The following AFAP1L2 variants were observed in gnomAD, a reference collection of about 807,000 sequenced individuals.
AFAP1L2 encodes actin filament-associated protein 1-like 2.
AFAP1L2 carries 46 observed loss-of-function variants against 99.3 expected under a neutral mutation model. That is an observed-to-expected ratio of 0.46 (90% CI 0.37 to 0.59). AFAP1L2 has a LOEUF of 0.59. AFAP1L2 is among the 20% of genes least tolerant of loss of function. The pLI is 0.00. For synonymous variants in AFAP1L2, 397 were observed against 419.1 expected (o/e 0.95, Z 0.64); for missense variants, 959 against 1,034.9 (o/e 0.93, Z 1.01).
At position 114,307,856 on chromosome 10, in the gene AFAP1L2, T is replaced by G; in HGVS notation, c.1021A>C (p.Arg341=). The part of the protein sequence containing the change: ...LKLSNLMNLG[R]KKSTSLEPVE... ...GGCTCCAGTGAGGTGGATTTCTTCC[T>G]GCCCAGATTCATTAGGTTGCTCAGT... The change falls in exon 10 of 19, where the codon AGG becomes CGG. Residue 341 remains arginine, a synonymous_variant. Transcript: ENST00000304129. 1 of 1,614,216 alleles carries G rather than the reference T, an allele frequency of 6.2e-7. No individual in the cohort carries two copies. Among genetic ancestry groups the G allele is most frequent in the South Asian group, 1.1e-5 (1 of 91,088 alleles).
intron 1 of AFAP1L2, among the ~76,000 whole-genome samples, chr10:114,381,979 GC>G (rs2055694111): frequency 6.6e-6 from 1 of 152,060 alleles, no homozygotes; most frequent in African/African-American, 2.4e-5. Flanking sequence ...AGATAGCTTT[GC>G]CCCTTCTCTG....
At chr10:114,314,868 C>T (rs879557159) in intron 6 of AFAP1L2, among the ~76,000 whole-genome samples, 6 of 152,260 alleles carry the variant, frequency 3.9e-5, no homozygotes, top group South Asian at 2.1e-4. Flanking sequence ...CAGGGCTGGG[C>T]GCAGTGGCTC....
At position 114,314,073 on chromosome 10, in the gene AFAP1L2, C is replaced by T. The variant is rs181489768; in HGVS notation, c.613-23G>A. ...GCACTGGAAGGAAAGAGAGAAGATA[C>T]ACCACTTTGCCAGGGGTGCCGGGCG... On this transcript the variant is annotated intron_variant, in intron 6 of 18. Coordinates refer to ENST00000304129, the MANE Select transcript of AFAP1L2 (RefSeq NM_001001936.3). The T allele has an allele frequency of 2.8e-5, 45 of 1,597,562 alleles. 1 individual carries two copies. The African/African-American group carries it at 4.5e-4, about 16-fold the overall frequency.
chr10:114,300,536 T>A lies in AFAP1L2; in HGVS notation c.1697A>T (p.Asp566Val). The change falls in exon 14 of 19, where the codon GAC (aspartate) becomes GTC (valine). Residue 566 changes from aspartate to valine, a missense_variant. Transcript: ENST00000304129. Reference sequence around the variant, plus strand: ...TGCCGGGAGGGCCTCAGTTGCATTGTCCAGGCAGGACAACGTCGGGGAGGA... The same window carrying A: ...TGCCGGGAGGGCCTCAGTTGCATTGACCAGGCAGGACAACGTCGGGGAGGA... ...QASSPTLSCLDNATEALPADS... is the reference protein window; with the variant it reads ...QASSPTLSCLVNATEALPADS... The A allele has an allele frequency of 6.2e-7, 1 of 1,614,164 alleles. No homozygotes were observed. The highest frequency in any genetic ancestry group is 8.5e-7 in the Non-Finnish European group (1 of 1,180,030).
intron 1 of AFAP1L2, among the ~76,000 whole-genome samples, chr10:114,355,256 CTTTT>C: frequency 7.5e-6 from 1 of 133,104 alleles, no homozygotes; most frequent in African/African-American, 2.8e-5. Flanking sequence ...CTCGCTCTCT[CTTTT>C]TTTTTTTTTT....
intron 1 of AFAP1L2, among the ~76,000 whole-genome samples, chr10:114,399,413 C>G (rs986526014): frequency 1.3e-5 from 2 of 152,156 alleles, no homozygotes; most frequent in Non-Finnish European, 2.9e-5. Context: ...GGTAGTCCCT[C>G]CCTGGCTGAA....
In AFAP1L2 at chr10:114,331,842, G is replaced by T; in HGVS notation, c.276C>A (p.Ala92=). ...GGAGGTCTGGAAGGCTCTTCTGAGGGGCCGAGGAGTGCTGGCTGGGCTCCC... is the reference window on the plus strand; with the variant it reads ...GGAGGTCTGGAAGGCTCTTCTGAGGTGCCGAGGAGTGCTGGCTGGGCTCCC... ...PNGEPSQHSS[A]PQKSLPDLPP... is the part of the protein sequence containing the mutation. The change falls in exon 4 of 19, where the codon GCC becomes GCA. Residue 92 remains alanine (A), a synonymous_variant. Coordinates refer to ENST00000304129, the MANE Select transcript of AFAP1L2 (RefSeq NM_001001936.3). 2 of 1,392,042 alleles carry T rather than the reference G, an allele frequency of 1.4e-6. No homozygotes were observed. Among genetic ancestry groups the T allele is most frequent in the Admixed American group, 3.1e-5 (1 of 32,122 alleles). 86.2% of individuals were successfully genotyped at this position (1,392,042 alleles called of 1,614,324 possible). A position where few individuals can be genotyped will look rare whatever the true frequency, so the allele number is the denominator to read the frequency against.
At position 114,302,355 on chromosome 10, in the gene AFAP1L2, C is replaced by G; in HGVS notation, c.1414G>C (p.Ala472Pro). 6.2e-7 allele frequency: 1 copy of G among 1,614,098 alleles called. No homozygotes were observed. The highest frequency in any genetic ancestry group is 1.1e-5 in the South Asian group (1 of 91,084). ...ATTACTCACAAGAGAGAGTTTTTGG[C>G]CGCACTCACAATACAGGAGACCCTA... Reference protein sequence around the residue: ...ADRVSCIVSAAKNSLLLMQRK... With the variant: ...ADRVSCIVSAPKNSLLLMQRK... Residue 472 changes from alanine (A) to proline (P), a missense_variant, in exon 12 of 19, where the codon GCC (alanine) becomes CCC (proline). This residue lies in a region of AFAP1L2 where 576 missense variants were observed against 562.1 expected (regional missense o/e 1.02). Coordinates refer to ENST00000304129, the MANE Select transcript of AFAP1L2 (RefSeq NM_001001936.3).
intron 10 of AFAP1L2, among the ~76,000 whole-genome samples, chr10:114,305,473 G>A (rs1269401946): frequency 8.5e-5 from 12 of 141,914 alleles, no homozygotes; most frequent in South Asian, 4.8e-4. Context: ...AGGAGGGGAC[G>A]CAGATGCAGG....
At position 114,341,481 on chromosome 10, in the gene AFAP1L2, C is replaced by T. The variant is rs545345453; in HGVS notation, c.17-750G>A. Among the ~76,000 whole-genome samples, 16 of 152,070 alleles carry T rather than the reference C, an allele frequency of 1.1e-4. 1 individual carries two copies. The South Asian group carries it at 3.1e-3, about 30-fold the overall frequency. Reference sequence around the variant, plus strand: ...TACAAAAATTAGCTGGGCATGGTGGCGTGCACCTGTGTTCCCAGCTACTTG... The same window carrying T: ...TACAAAAATTAGCTGGGCATGGTGGTGTGCACCTGTGTTCCCAGCTACTTG... On this transcript the variant is annotated intron_variant, in intron 1 of 18. Coordinates refer to ENST00000304129, the MANE Select transcript of AFAP1L2 (RefSeq NM_001001936.3).
In AFAP1L2 at chr10:114,331,932, G is replaced by A. The variant is rs1590238484; in HGVS notation, c.221-35C>T. ...GCAAAAGGAAAAGGCTTCGGTGAGG[G>A]GTGACCAGCCTTACACAGGGTCTCC... On this transcript the variant is annotated intron_variant, in intron 3 of 18. Transcript: ENST00000304129. 18 of 1,260,886 alleles carry A rather than the reference G, an allele frequency of 1.4e-5. No individual in the cohort carries two copies. The East Asian group carries it at 4.7e-4, about 33-fold the overall frequency. The allele number at this position is 1,260,886 out of a possible 1,614,324, so 78.1% of individuals were successfully genotyped here. A position where few individuals can be genotyped will look rare whatever the true frequency, so the allele number is the denominator to read the frequency against.
chr10:114,369,549 C>T (rs185076208), intron 1 of AFAP1L2, among the ~76,000 whole-genome samples: 3 of 143,840 alleles, frequency 2.1e-5, no homozygotes, highest in East Asian at 2.1e-4. Context: ...GAGCCGACAT[C>T]GTGCCACTGC....
chr10:114,296,985 T>C lies in AFAP1L2; in HGVS notation c.2423A>G (p.Lys808Arg). 1 of 1,614,132 alleles carries C rather than the reference T, an allele frequency of 6.2e-7. No homozygotes were observed. The highest frequency in any genetic ancestry group is 8.5e-7 in the Non-Finnish European group (1 of 1,180,006). Residue 808 changes from lysine (K) to arginine (R), a missense_variant, in exon 18 of 19, where the codon AAA becomes AGA. Around this residue, in one of 2 missense-constraint regions of AFAP1L2, gnomAD observed 576 missense variants for 562.1 expected, o/e 1.02. Transcript: ENST00000304129. ...VVTGKGTVLQKAKEWEKKGAS is the reference protein window; with the variant it reads ...VVTGKGTVLQRAKEWEKKGAS Reference sequence around the variant, plus strand: ...CTGGGAGTGACTGCTTACCTTGGCTTTCTGGAGTACAGTGCCTTTGCCTGT... The same window carrying C: ...CTGGGAGTGACTGCTTACCTTGGCTCTCTGGAGTACAGTGCCTTTGCCTGT...
intron 1 of AFAP1L2, among the ~76,000 whole-genome samples, chr10:114,360,392 G>T (rs1053612131): frequency 6.6e-6 from 1 of 152,054 alleles, no homozygotes; most frequent in Non-Finnish European, 1.5e-5. Flanking sequence ...GCCAGCCACA[G>T]ATCCTAGGAC....
intron 18 of AFAP1L2, 62 bp from the exon 19 acceptor site, chr10:114,296,130 G>A: frequency 1.2e-6 from 2 of 1,607,132 alleles, no homozygotes; most frequent in Non-Finnish European, 1.7e-6. Context: ...GTTATCCACT[G>A]TAGCAACCTT....
chr10:114,344,264 A>T (rs1222044216), intron 1 of AFAP1L2, among the ~76,000 whole-genome samples: 1 of 152,242 alleles, frequency 6.6e-6, no homozygotes, highest in Non-Finnish European at 1.5e-5. Flanking sequence ...ACTCAAAAGC[A>T]GTGAGCTTAA....
Position 114,299,524 on chromosome 10 carries a change from T to TG in AFAP1L2, c.1958-110dup, listed in dbSNP as rs546952541. On this transcript the variant is annotated intron_variant, in intron 15 of 18. Coordinates refer to ENST00000304129, the MANE Select transcript of AFAP1L2 (RefSeq NM_001001936.3). The stretch of plus-strand genomic sequence containing the variant: ...AACCTGGGGCTTTGGCACAAAGCCC[T>TG]GCTAGGCTGGATGCCAGACCTGGAC... 1.7e-4 allele frequency: 240 copies of TG among 1,381,960 alleles called. 1 individual carries two copies. The South Asian group carries it at 3.0e-3, about 17-fold the overall frequency. 85.6% of individuals were successfully genotyped at this position (1,381,960 alleles called of 1,614,324 possible). A position where few individuals can be genotyped will look rare whatever the true frequency, so the allele number is the denominator to read the frequency against.
At chr10:114,286,883 T>A in the AFAP1L2 span, among the ~76,000 whole-genome samples, 3 of 152,212 alleles carry the variant, frequency 2.0e-5, no homozygotes, top group African/African-American at 7.2e-5. Flanking sequence ...TCCCAGCTCC[T>A]TTGATGGCAA....
At chr10:114,315,406 G>C (rs902734214) in intron 6 of AFAP1L2, among the ~76,000 whole-genome samples, 154 bp downstream of exon 6, 22 of 152,210 alleles carry the variant, frequency 1.4e-4, no homozygotes, top group Non-Finnish European at 2.9e-4. Context: ...ACAAAATCCT[G>C]TATACAATTT....
Sources: gnomAD v4.1 joint callset for allele counts (sites outside exome capture counted in the v4.1 genomes callset) on GRCh38, gnomAD v4.1.1 for gene constraint, gnomAD v4.1.1 regional missense constraint, MANE v1.5 for transcripts, NCBI Gene and HGNC (gene_info 2026-07-23, HGNC 2026-07-21) for gene names.